The following RASAL2 variants were observed in gnomAD, a reference collection of about 807,000 sequenced individuals.
The protein encoded by RASAL2 is ras GTPase-activating protein nGAP.
In RASAL2, 58 loss-of-function variants were observed where a neutral mutation model predicts 128.9. That is an observed-to-expected ratio of 0.45 (90% CI 0.36 to 0.56). RASAL2 has a LOEUF of 0.56. Among genes scored for constraint, RASAL2 ranks in the 20% least tolerant of loss-of-function variants. The pLI, the probability that RASAL2 is intolerant of heterozygous loss-of-function variation, is 0.00. For synonymous variants in RASAL2, 561 were observed against 580.8 expected, an observed-to-expected ratio of 0.97 and a Z score of 0.49; for missense variants, 1,360 against 1,601.6, an observed-to-expected ratio of 0.85 and a Z score of 2.57.
chr1:178,158,412 C>T (rs1661155982), intron 1 of RASAL2, among the ~76,000 whole-genome samples: 3 of 150,472 alleles, frequency 2.0e-5, no homozygotes. Context: ...ATATGAAGCA[C>T]CTAGCACATA....
At chr1:178,155,236 C>A (rs1034369403) in intron 1 of RASAL2, among the ~76,000 whole-genome samples, 1 of 152,084 alleles carries the variant, frequency 6.6e-6, no homozygotes, top group Non-Finnish European at 1.5e-5. Flanking sequence ...TTAGAAAATA[C>A]TGTAATATTC....
intron 1 of RASAL2, among the ~76,000 whole-genome samples, chr1:178,116,710 C>T (rs751742848): frequency 1.3e-5 from 2 of 152,050 alleles, no homozygotes; most frequent in African/African-American, 2.4e-5. Flanking sequence ...CCTGCGTTCA[C>T]GCCATTCTCC....
chr1:178,254,014 G>C (rs186864966), intron 1 of RASAL2, among the ~76,000 whole-genome samples: 267 of 152,144 alleles, frequency 1.8e-3, no homozygotes, highest in Non-Finnish European at 2.6e-3. Flanking sequence ...TTGAAATTAG[G>C]CTTAAAATTT....
At chr1:178,242,987 C>T (rs1190908600) in intron 1 of RASAL2, among the ~76,000 whole-genome samples, 1 of 151,878 alleles carries the variant, frequency 6.6e-6, no homozygotes, top group Non-Finnish European at 1.5e-5. Flanking sequence ...TGATTTTTCT[C>T]AGTTGATTGT....
At chr1:178,255,726 A>T (rs1339739129) in intron 1 of RASAL2, among the ~76,000 whole-genome samples, 3 of 152,146 alleles carry the variant, frequency 2.0e-5, no homozygotes, top group Non-Finnish European at 4.4e-5. Context: ...ATTTAAATGT[A>T]TTAGAAAATA....
At chr1:178,355,896 C>T (rs1369460738) in intron 3 of RASAL2, among the ~76,000 whole-genome samples, 3 of 152,148 alleles carry the variant, frequency 2.0e-5, no homozygotes, top group African/African-American at 4.8e-5. Flanking sequence ...TGGGGCCAGG[C>T]GCGGTGGCTC....
intron 3 of RASAL2, among the ~76,000 whole-genome samples, chr1:178,340,109 CT>C (rs1213241305): frequency 6.6e-6 from 1 of 152,024 alleles, no homozygotes; most frequent in East Asian, 1.9e-4. Context: ...TACTAGATGA[CT>C]ATGTGCTCCT....
chr1:178,458,147 G>A lies in RASAL2; in HGVS notation c.2855G>A (p.Ser952Asn), dbSNP rs1221791381. Residue 952 changes from serine to asparagine, a missense_variant, in exon 14 of 18, where the codon AGT becomes AAT. Coordinates refer to ENST00000367649, the MANE Select transcript of RASAL2 (RefSeq NM_170692.4). ...AGTTTGGAGAACCTAAGCACTGCCA[G>A]TTCCAGAAGCCAAAGTAACAGTGAA... ...DSSLENLSTA[S>N]SRSQSNSEDF... 6.2e-7 allele frequency: 1 copy of A among 1,614,212 alleles called. No individual in the cohort carries two copies. Among genetic ancestry groups the A allele is most frequent in the South Asian group, 1.1e-5 (1 of 91,084 alleles).
intron 1 of RASAL2, among the ~76,000 whole-genome samples, chr1:178,241,167 A>G (rs187111604): frequency 2.6e-5 from 4 of 152,196 alleles, no homozygotes; most frequent in Admixed American, 2.0e-4. Context: ...TGTGCTATAT[A>G]ATTACAACTT....
At chr1:178,438,933 T>TG (rs1311824045) in intron 5 of RASAL2, among the ~76,000 whole-genome samples, 1 of 84,108 alleles carries the variant, frequency 1.2e-5, no homozygotes, top group South Asian at 4.9e-4. Flanking sequence ...GTGTGTGTGT[T>TG]TTGCCAAAGT....
intron 3 of RASAL2, among the ~76,000 whole-genome samples, chr1:178,310,045 T>A (rs1245091427): frequency 6.6e-6 from 1 of 152,214 alleles, no homozygotes; most frequent in Non-Finnish European, 1.5e-5. Flanking sequence ...ATTTAGTGTT[T>A]ATTACAGATG....
chr1:178,103,487 A>G (rs1558054602), intron 1 of RASAL2, among the ~76,000 whole-genome samples: 2 of 152,162 alleles, frequency 1.3e-5, no homozygotes, highest in Non-Finnish European at 2.9e-5. Flanking sequence ...CCCGCAATAT[A>G]TGAGAGTGCC....
chr1:178,211,670 A>T (rs918685420), intron 1 of RASAL2, among the ~76,000 whole-genome samples: 3 of 151,900 alleles, frequency 2.0e-5, no homozygotes, highest in African/African-American at 7.3e-5. Context: ...TATCCCCTTA[A>T]CCTAAAAAAA....
chr1:178,466,539 T>A (rs1647720431), intron 16 of RASAL2, among the ~76,000 whole-genome samples: 1 of 152,118 alleles, frequency 6.6e-6, no homozygotes, highest in African/African-American at 2.4e-5. Context: ...AAAGGGAGGG[T>A]CAGTTTTACC....
At chr1:178,318,387 G>C (rs2102324915) in intron 3 of RASAL2, among the ~76,000 whole-genome samples, 1 of 151,678 alleles carries the variant, frequency 6.6e-6, no homozygotes, top group Non-Finnish European at 1.5e-5. Context: ...AATGTTGACA[G>C]TGGGGTGTTA....
At position 178,140,680 on chromosome 1, in the gene RASAL2, T is replaced by C. The variant is rs568445774; in HGVS notation, c.202+45986T>C. Among the ~76,000 whole-genome samples the C allele has an allele frequency of 2.0e-5, 3 of 152,316 alleles. No individual in the cohort carries two copies. In the South Asian group the frequency reaches 6.2e-4, roughly 32 times the overall value. On this transcript the variant is annotated intron_variant, in intron 1 of 17. Transcript: ENST00000367649. ...TTTAAAAAAACCAGTGAATCTCCAT[T>C]GTGTTGGATGTACCACAGTTTATAC...
chr1:178,326,712 T>C (rs1459456797), intron 3 of RASAL2, among the ~76,000 whole-genome samples: 3 of 151,992 alleles, frequency 2.0e-5, no homozygotes, highest in Non-Finnish European at 2.9e-5. Flanking sequence ...GCCCGGCTAA[T>C]TTTGTATTTT....
chr1:178,458,241 G>C lies in RASAL2; in HGVS notation c.2949G>C (p.Glu983Asp), dbSNP rs778287665. Reference protein sequence around the residue: ...EDFTKRSTQSEDFSRRHTVPD... With the variant: ...EDFTKRSTQSDDFSRRHTVPD... ...TCACTAAACGTAGCACTCAGAGTGA[G>C]GACTTCTCCAGGCGGCACACGGTGC... is the stretch of plus-strand genomic sequence containing the variant. Residue 983 changes from glutamate to aspartate, a missense_variant, in exon 14 of 18, where the codon GAG becomes GAC. By Grantham distance (45) the Glu-to-Asp change is conservative (BLOSUM62 2). Coordinates refer to ENST00000367649, the MANE Select transcript of RASAL2 (RefSeq NM_170692.4). 5 of 1,614,252 alleles carry C rather than the reference G, an allele frequency of 3.1e-6. No homozygotes were observed. Among genetic ancestry groups the C allele is most frequent in the East Asian group, 4.5e-5 (2 of 44,892 alleles).
intron 3 of RASAL2, among the ~76,000 whole-genome samples, chr1:178,318,447 T>C (rs1668591944): frequency 6.6e-6 from 1 of 152,084 alleles, no homozygotes; most frequent in South Asian, 2.1e-4. Context: ...TGTAAGTCAC[T>C]CAGGACTTGC....
Sources: allele counts gnomAD v4.1 joint callset (sites outside exome capture counted in the v4.1 genomes callset), GRCh38; gene constraint gnomAD v4.1.1; transcripts MANE v1.5; gene names NCBI Gene and HGNC (gene_info 2026-07-23, HGNC 2026-07-21).